ANKRD44: variants seen among roughly 807,000 people sequenced by gnomAD.
ANKRD44 encodes ankyrin repeat domain 44, also known as serine/threonine-protein phosphatase 6 regulatory ankyrin repeat subunit B.
ANKRD44 carries 35 observed loss-of-function variants against 116.0 expected under a neutral mutation model. The observed-to-expected ratio is 0.30, with a 90% CI of 0.23 to 0.40. The LOEUF (loss-of-function observed/expected upper bound fraction) is 0.40, where lower values mean the gene tolerates loss of function less well. Among genes scored for constraint, ANKRD44 ranks in the 10% least tolerant of loss-of-function variants. The pLI, the probability that ANKRD44 is intolerant of heterozygous loss-of-function variation, is 1.00. For missense variants in ANKRD44, 1,014 were observed against 1,242.6 expected, an observed-to-expected ratio of 0.82 and a Z score of 2.77; for synonymous variants, 435 against 461.8, an observed-to-expected ratio of 0.94 and a Z score of 0.74.
intron 1 of ANKRD44, among the ~76,000 whole-genome samples, chr2:197,204,593 A>G (rs2081165347): frequency 1.3e-5 from 2 of 152,158 alleles, no homozygotes; most frequent in Non-Finnish European, 2.9e-5. Flanking sequence ...GTGGCTCCAG[A>G]TCTTTTGAGT....
In ANKRD44 at chr2:197,212,594, AT is replaced by A. The variant is rs2081350262; in HGVS notation, c.28-25489del. On this transcript the variant is annotated intron_variant, in intron 1 of 27. Transcript: ENST00000282272. The surrounding 1 kb of genome is among the most constrained non-coding windows in gnomAD (Gnocchi z 4.8). ...CATTCACATTCATTCAAAATAACAC[AT>A]TTGTTCACCCTGCCTCTTCCACTCT... 2.0e-5 allele frequency among the ~76,000 whole-genome samples: 3 copies of A among 152,136 alleles called. No homozygotes were observed. The highest frequency in any genetic ancestry group is 7.2e-5 in the African/African-American group (3 of 41,418).
At chr2:197,167,505 G>A (rs534593612) in intron 2 of ANKRD44, among the ~76,000 whole-genome samples, 7 of 152,084 alleles carry the variant, frequency 4.6e-5, no homozygotes, top group Admixed American at 2.6e-4. Context: ...TCCAATCATC[G>A]AAGACTTCCC....
intron 2 of ANKRD44, among the ~76,000 whole-genome samples, chr2:197,163,248 C>T (rs1574584620): frequency 6.6e-6 from 1 of 152,194 alleles, no homozygotes; most frequent in African/African-American, 2.4e-5. Context: ...TACCTAGAAG[C>T]TATGAGGCTG....
At chr2:197,291,030 G>T (rs1553551384) in intron 1 of ANKRD44, among the ~76,000 whole-genome samples, 1 of 151,908 alleles carries the variant, frequency 6.6e-6, no homozygotes, top group Non-Finnish European at 1.5e-5. Flanking sequence ...GCAACATAGG[G>T]AGACCCTGTC....
At chr2:197,170,738 A>C (rs2080212375) in intron 2 of ANKRD44, among the ~76,000 whole-genome samples, 1 of 152,268 alleles carries the variant, frequency 6.6e-6, no homozygotes, top group African/African-American at 2.4e-5. Flanking sequence ...AGTTGAATTA[A>C]AATGAGATGC....
chr2:197,247,316 C>A (rs1339632227), intron 1 of ANKRD44, among the ~76,000 whole-genome samples: 1 of 152,178 alleles, frequency 6.6e-6, no homozygotes, highest in East Asian at 1.9e-4. Context: ...AGATCTGCAT[C>A]CCAGATGTGT....
chr2:197,263,159 G>T (rs1355838257), intron 1 of ANKRD44: 3 of 468,784 alleles, frequency 6.4e-6, no homozygotes, highest in Non-Finnish European at 1.2e-5. Context: ...GGTCAAGAGC[G>T]CCTCACAGCT....
intron 4 of ANKRD44, among the ~76,000 whole-genome samples, chr2:197,130,453 A>G (rs1431517669): frequency 6.6e-6 from 1 of 152,236 alleles, no homozygotes; most frequent in Non-Finnish European, 1.5e-5. Flanking sequence ...TGTGGCATGT[A>G]GACGACATGT....
At chr2:196,994,822 T>G (rs1310517287) in intron 26 of ANKRD44, 1 of 152,562 alleles carries the variant, frequency 6.6e-6, no homozygotes, top group Non-Finnish European at 1.5e-5. Flanking sequence ...CACGCCCGGC[T>G]TAAGAATCTT....
intron 2 of ANKRD44, among the ~76,000 whole-genome samples, chr2:197,153,275 G>C (rs1443433602): frequency 3.4e-5 from 5 of 147,418 alleles, no homozygotes; most frequent in African/African-American, 1.3e-4. Flanking sequence ...AGGAAGAAGA[G>C]GAAGAGGAAG....
chr2:197,001,546 T>C (rs77105489), intron 22 of ANKRD44, among the ~76,000 whole-genome samples: 5,428 of 152,326 alleles, frequency 0.036, 126 homozygotes, highest in South Asian at 0.059. Flanking sequence ...GGTGGCATCT[T>C]TGCCACTTTG....
In ANKRD44 at chr2:197,106,272, T is replaced by C. The variant is rs892721835; in HGVS notation, c.985+4494A>G. Among the ~76,000 whole-genome samples the C allele has an allele frequency of 7.2e-5, 11 of 151,806 alleles. 1 individual carries two copies. Among genetic ancestry groups the C allele is most frequent in the South Asian group, 6.2e-4 (3 of 4,822 alleles). On this transcript the variant is annotated intron_variant, in intron 9 of 27. Coordinates refer to ENST00000282272, the MANE Select transcript of ANKRD44 (RefSeq NM_001195144.2). ...GCCTGGCCAATATGGCGAAACCCCA[T>C]CTCTACTAAAAATACAAAAATTAGC...
At chr2:197,011,866 T>G (rs1173336738) in intron 18 of ANKRD44, among the ~76,000 whole-genome samples, 1 of 152,180 alleles carries the variant, frequency 6.6e-6, no homozygotes, top group Non-Finnish European at 1.5e-5. Flanking sequence ...CCAAATTGCC[T>G]TCTAGCAAAA....
chr2:197,181,728 T>A (rs964869117), intron 2 of ANKRD44, among the ~76,000 whole-genome samples: 1 of 152,244 alleles, frequency 6.6e-6, no homozygotes, highest in Non-Finnish European at 1.5e-5. Flanking sequence ...AGCTTACTTC[T>A]TGCCAATTCG....
At chr2:197,138,888 T>C (rs1277887184) in intron 3 of ANKRD44, among the ~76,000 whole-genome samples, 3 of 152,302 alleles carry the variant, frequency 2.0e-5, no homozygotes, top group Non-Finnish European at 2.9e-5. Flanking sequence ...ATTCAAAAAA[T>C]GAATGCAAGT....
chr2:197,130,042 A>G (rs754896319), intron 4 of ANKRD44, among the ~76,000 whole-genome samples: 3 of 152,228 alleles, frequency 2.0e-5, no homozygotes, highest in Non-Finnish European at 2.9e-5. Flanking sequence ...TGTAATCATC[A>G]GCAAAGTCTG....
chr2:197,226,583 G>A lies in ANKRD44; in HGVS notation c.28-39477C>T, dbSNP rs2081720719. The stretch of plus-strand genomic sequence containing the variant: ...GGAGGCTGAGGCAGATGAATCACTT[G>A]AACCAGGGAGGCAGAGGTTGCAGTG... On this transcript the variant is annotated intron_variant, in intron 1 of 27. Coordinates refer to ENST00000282272, the MANE Select transcript of ANKRD44 (RefSeq NM_001195144.2). Among the ~76,000 whole-genome samples the A allele has an allele frequency of 2.6e-5, 4 of 152,074 alleles. No individual in the cohort carries two copies. The South Asian group carries it at 8.3e-4, about 32-fold the overall frequency.
intron 21 of ANKRD44, 42 bp downstream of exon 21, chr2:197,005,652 G>T: frequency 6.3e-7 from 1 of 1,589,300 alleles, no homozygotes; most frequent in Non-Finnish European, 8.6e-7. Flanking sequence ...TGGTCCTGGG[G>T]TAGGAAGTCT....
At chr2:197,129,894 A>G (rs9678922) in intron 4 of ANKRD44, among the ~76,000 whole-genome samples, 8,815 of 152,272 alleles carry the variant, frequency 0.058, 870 homozygotes, top group African/African-American at 0.2. Flanking sequence ...GCCATAAGCA[A>G]TGTCAAGTTT....
Sources: gnomAD v4.1 joint callset for allele counts (sites outside exome capture counted in the v4.1 genomes callset) on GRCh38, gnomAD v4.1.1 for gene constraint, Gnocchi (gnomAD v3.1) non-coding constraint, MANE v1.5 for transcripts, NCBI Gene and HGNC (gene_info 2026-07-23, HGNC 2026-07-21) for gene names.